The following NMBR variants were observed in gnomAD, a reference collection of about 807,000 sequenced individuals.
The protein encoded by NMBR is neuromedin-B receptor.
Under a neutral mutation model 20.5 loss-of-function variants are expected in NMBR, and 16 were observed. That is an observed-to-expected ratio of 0.78 (90% CI 0.53 to 1.19). The LOEUF is 1.19. NMBR is among the 50% of genes most tolerant of loss of function. NMBR has a pLI of 0.00. For synonymous variants in NMBR, 212 were observed against 196.6 expected (o/e 1.08, Z -0.65); for missense variants, 582 against 499.1 (o/e 1.17, Z -1.58).
chr6:142,122,145 C>A (rs965201392), intron 1 of NMBR, among the ~76,000 whole-genome samples: 1 of 151,966 alleles, frequency 6.6e-6, no homozygotes, highest in African/African-American at 2.4e-5. Context: ...TTTCCTTTCA[C>A]CGCATTTTGT....
intron 1 of NMBR, among the ~76,000 whole-genome samples, chr6:142,137,104 G>A (rs927635324): frequency 2.0e-5 from 3 of 152,038 alleles, no homozygotes; most frequent in South Asian, 2.1e-4. Flanking sequence ...CCATTTTCAC[G>A]ATATTGATTC....
chr6:142,110,954 T>G (rs1168047537), intron 1 of NMBR, among the ~76,000 whole-genome samples: 2 of 152,134 alleles, frequency 1.3e-5, no homozygotes, highest in African/African-American at 4.8e-5. Context: ...AAATAAGACA[T>G]ACTGGCTGCG....
At chr6:142,098,020 A>T (rs1777491862) in intron 1 of NMBR, among the ~76,000 whole-genome samples, 1 of 152,008 alleles carries the variant, frequency 6.6e-6, no homozygotes, top group African/African-American at 2.4e-5. Context: ...ATGACTGGGG[A>T]AAAAAATGAA....
chr6:142,078,765 G>A lies in NMBR; in HGVS notation c.561C>T (p.Ile187=). ...TGAAGCTGCTATTATCCAAGCTACT[G>A]ATGCGAGCCACTTCTGAAAACACCG... ...PEAVFSEVAR[I]SSLDNSSFTA... is the part of the protein sequence containing the mutation. Residue 187 remains isoleucine (I), a synonymous_variant, in exon 3 of 4, where the codon ATC becomes ATT. Coordinates refer to ENST00000258042, the MANE Select transcript of NMBR (RefSeq NM_002511.4). 6.2e-7 allele frequency: 1 copy of A among 1,613,884 alleles called. No homozygotes were observed. The highest frequency in any genetic ancestry group is 1.1e-5 in the South Asian group (1 of 91,058).
intron 1 of NMBR, among the ~76,000 whole-genome samples, chr6:142,109,755 A>T (rs1008433756): frequency 6.6e-6 from 1 of 152,092 alleles, no homozygotes; most frequent in Non-Finnish European, 1.5e-5. Flanking sequence ...GGGGTATTGT[A>T]TTAAGAGGTG....
In NMBR at chr6:142,075,509, A is replaced by T. The variant is rs572761365; in HGVS notation, c.*139T>A. The T allele has an allele frequency of 5.6e-5, 41 of 729,550 alleles. No homozygotes were observed. In the African/African-American group the frequency reaches 6.1e-4, roughly 11 times the overall value. 45.2% of individuals were successfully genotyped at this position (729,550 alleles called of 1,614,324 possible). A position where few individuals can be genotyped will look rare whatever the true frequency, so the allele number is the denominator to read the frequency against. ...AGAGAAAAAATAAAGTCTAGTGTAG[A>T]GAAAAAATGTCTTGCATTTTCTGAG... On this transcript the variant is annotated 3_prime_UTR_variant, in exon 4 of 4. Transcript: ENST00000258042.
intron 1 of NMBR, among the ~76,000 whole-genome samples, chr6:142,135,578 C>T (rs1001398144): frequency 6.0e-5 from 9 of 151,144 alleles, no homozygotes; most frequent in African/African-American, 1.9e-4. Context: ...ATGTGCCATG[C>T]TGGTGTGCTG....
rs1337885646 is a variant in NMBR, at chr6:142,106,133, G to C, written c.-663-16812C>G. 3.9e-5 allele frequency among the ~76,000 whole-genome samples: 6 copies of C among 152,270 alleles called. No individual in the cohort carries two copies. In the East Asian group the frequency reaches 9.7e-4, roughly 24 times the overall value. On this transcript the variant is annotated intron_variant, in intron 1 of 3. Transcript: ENST00000258042. ...CACCCAGGAAGGTCAGGACTATGAA[G>C]GTTATGACCTGTCTGAGTCCTGAAT...
chr6:142,097,966 C>G (rs1018472739), intron 1 of NMBR, among the ~76,000 whole-genome samples: 3 of 151,760 alleles, frequency 2.0e-5, no homozygotes, highest in African/African-American at 7.3e-5. Flanking sequence ...GGTAATTTCT[C>G]AATGTAGTAG....
intron 1 of NMBR, among the ~76,000 whole-genome samples, chr6:142,109,792 A>G (rs1283754017): frequency 2.0e-5 from 3 of 152,102 alleles, no homozygotes. Flanking sequence ...ATTAGGTCAT[A>G]AGGGTAGAAA....
intron 1 of NMBR, among the ~76,000 whole-genome samples, chr6:142,099,282 T>C (rs1180392272): frequency 6.6e-6 from 1 of 152,154 alleles, no homozygotes; most frequent in African/African-American, 2.4e-5. Flanking sequence ...AAGAACTAAC[T>C]GAGACTGGGT....
At chr6:142,130,848 C>G (rs1261199734) in intron 1 of NMBR, among the ~76,000 whole-genome samples, 1 of 152,090 alleles carries the variant, frequency 6.6e-6, no homozygotes, top group Non-Finnish European at 1.5e-5. Flanking sequence ...CAGGGAACCA[C>G]TTCCATTAAG....
chr6:142,136,079 C>T (rs189067748), intron 1 of NMBR, among the ~76,000 whole-genome samples: 3 of 152,322 alleles, frequency 2.0e-5, no homozygotes, highest in African/African-American at 7.2e-5. Context: ...ACACTGACTT[C>T]CACAAGGGTT....
At chr6:142,140,254 A>G (rs1000062993) in intron 1 of NMBR, among the ~76,000 whole-genome samples, 8 of 152,166 alleles carry the variant, frequency 5.3e-5, no homozygotes, top group African/African-American at 1.9e-4. Context: ...AAATTACAAT[A>G]AAATTGATAA....
At chr6:142,132,294 T>C (rs1778156879) in intron 1 of NMBR, among the ~76,000 whole-genome samples, 1 of 152,164 alleles carries the variant, frequency 6.6e-6, no homozygotes, top group South Asian at 2.1e-4. Context: ...TGGAAGATAG[T>C]AAGCAGATAT....
chr6:142,136,801 G>A (rs1027364992), intron 1 of NMBR, among the ~76,000 whole-genome samples: 1 of 152,170 alleles, frequency 6.6e-6, no homozygotes, highest in African/African-American at 2.4e-5. Flanking sequence ...AGATCAGATA[G>A]TTGTAGATAT....
At chr6:142,116,292 AC>A (rs1360254744) in intron 1 of NMBR, among the ~76,000 whole-genome samples, 1 of 151,828 alleles carries the variant, frequency 6.6e-6, no homozygotes, top group Non-Finnish European at 1.5e-5. Context: ...AAACACATAT[AC>A]CCACATCGAC....
At chr6:142,077,412 C>G (rs1005645415) in intron 3 of NMBR, among the ~76,000 whole-genome samples, 1 of 152,136 alleles carries the variant, frequency 6.6e-6, no homozygotes, top group Admixed American at 6.5e-5. Context: ...ACACAGGGCT[C>G]AAATTGGGTC....
At chr6:142,092,188 T>C (rs1777338186) in intron 1 of NMBR, among the ~76,000 whole-genome samples, 1 of 151,848 alleles carries the variant, frequency 6.6e-6, no homozygotes, top group Non-Finnish European at 1.5e-5. Flanking sequence ...AATACAAATA[T>C]ATAATATTAA....
Sources: gnomAD v4.1 joint callset for allele counts (sites outside exome capture counted in the v4.1 genomes callset) on GRCh38, gnomAD v4.1.1 for gene constraint, MANE v1.5 for transcripts, NCBI Gene and HGNC (gene_info 2026-07-23, HGNC 2026-07-21) for gene names.